Variants in PGAM5 observed in about 807,000 individuals in gnomAD.
PGAM5 encodes PGAM family member 5, mitochondrial serine/threonine protein phosphatase, also known as serine/threonine-protein phosphatase PGAM5, mitochondrial.
Under a neutral mutation model 30.6 loss-of-function variants are expected in PGAM5, and 25 were observed. The observed-to-expected ratio is 0.82, with a 90% CI of 0.60 to 1.14. The LOEUF (loss-of-function observed/expected upper bound fraction) is 1.14. Ranked by LOEUF, PGAM5 falls within the 50% of genes most tolerant of loss-of-function variation. The probability of loss-of-function intolerance (pLI) is 0.00; values close to 1 mark genes in which losing one functional copy is unlikely to be tolerated. For missense variants in PGAM5, 384 were observed against 408.5 expected (o/e 0.94, Z 0.52); for synonymous variants, 201 against 179.1 (o/e 1.12, Z -0.98).
At chr12:132,718,261 GC>G in intron 5 of PGAM5, 141 bp downstream of exon 5, 1 of 1,083,518 alleles carries the variant, frequency 9.2e-7, no homozygotes, top group Non-Finnish European at 1.3e-6. Context: ...TCCACTTCCC[GC>G]GAGTCCTAGT....
In PGAM5 at chr12:132,710,959, T is replaced by C. The variant is rs2043515753; in HGVS notation, c.83T>C (p.Val28Ala). ...GCCGTGCTCTTCTCGGCCGTGGCGG[T>C]AGGGAAGCCGCGCGCAGGCGGGGAC... Reference protein sequence around the residue: ...SAAVLFSAVAVGKPRAGGDAE... With the variant: ...SAAVLFSAVAAGKPRAGGDAE... The change falls in exon 1 of 6, where the codon GTA becomes GCA. Residue 28 changes from valine (V) to alanine (A), a missense_variant. By Grantham distance (64) the Val-to-Ala change is moderately conservative. Transcript: ENST00000498926. 8.5e-7 allele frequency: 1 copy of C among 1,182,058 alleles called. No individual in the cohort carries two copies. Among genetic ancestry groups the C allele is most frequent in the East Asian group, 3.8e-5 (1 of 26,480 alleles). 73.2% of individuals were successfully genotyped at this position (1,182,058 alleles called of 1,614,324 possible). A position where few individuals can be genotyped will look rare whatever the true frequency, so the allele number is the denominator to read the frequency against.
intron 2 of PGAM5, among the ~76,000 whole-genome samples, chr12:132,715,982 C>A (rs1388475781): frequency 6.6e-6 from 1 of 152,182 alleles, no homozygotes; most frequent in Non-Finnish European, 1.5e-5. Context: ...CTGCTTGATG[C>A]CTTGGAAAGC....
At chr12:132,718,226 G>C in intron 5 of PGAM5, 106 bp downstream of exon 5, 1 of 1,458,924 alleles carries the variant, frequency 6.9e-7, no homozygotes, top group Non-Finnish European at 9.2e-7. Context: ...TGCCACCCTA[G>C]TCAGGCCTCA....
intron 5 of PGAM5, 80 bp downstream of exon 5, chr12:132,718,200 CCT>C (rs2043602903): frequency 1.3e-6 from 2 of 1,560,562 alleles, no homozygotes; most frequent in African/African-American, 2.7e-5. Context: ...CGAGCGAGAC[CCT>C]CCTCCACTGC....
In PGAM5 at chr12:132,717,579, CG is replaced by C; in HGVS notation, c.496+19del. ...GCACCTGCCAGGTGAGTGCTGCGCG[CG>C]GGGCCTCCATGCTTGCAGCAGTGGG... On this transcript the variant is annotated intron_variant, in intron 3 of 5. Transcript: ENST00000498926. 1 of 1,609,652 alleles carries C rather than the reference CG, an allele frequency of 6.2e-7. No individual in the cohort carries two copies. Among genetic ancestry groups the C allele is most frequent in the Non-Finnish European group, 8.5e-7 (1 of 1,179,158 alleles).
intron 5 of PGAM5, chr12:132,719,197 T>C: frequency 1.7e-6 from 2 of 1,168,106 alleles, no homozygotes; most frequent in Non-Finnish European, 1.1e-6. Context: ...CATTAGGAAA[T>C]GTGTGTGTGG....
At chr12:132,718,688 T>C (rs1373264693) in intron 5 of PGAM5, 1 of 1,535,166 alleles carries the variant, frequency 6.5e-7, no homozygotes, top group East Asian at 2.3e-5. Flanking sequence ...TTGTTTTCCC[T>C]TTGTAATTGA....
chr12:132,719,212 C>T lies in PGAM5; in HGVS notation c.719+1092C>T, dbSNP rs530531264. The stretch of plus-strand genomic sequence containing the variant: ...CATTAGGAAATGTGTGTGTGGGCTC[C>T]GCAGCTGAGGGGGCCCTCTTGAGTG... On this transcript the variant is annotated intron_variant, in intron 5 of 5. Coordinates refer to ENST00000498926, the MANE Select transcript of PGAM5 (RefSeq NM_001170543.2). 3.7e-5 allele frequency: 42 copies of T among 1,145,618 alleles called. 1 individual carries two copies. In the South Asian group the frequency reaches 5.5e-4, roughly 15 times the overall value. 71.0% of individuals were successfully genotyped at this position (1,145,618 alleles called of 1,614,324 possible). A position where few individuals can be genotyped will look rare whatever the true frequency, so the allele number is the denominator to read the frequency against.
chr12:132,719,230 C>T, intron 5 of PGAM5: 1 of 1,138,244 alleles, frequency 8.8e-7, no homozygotes, highest in Non-Finnish European at 1.1e-6. Flanking sequence ...AGGGGGCCCT[C>T]TTGAGTGTGA....
chr12:132,715,423 T>C (rs2043565761), intron 2 of PGAM5, among the ~76,000 whole-genome samples: 1 of 150,262 alleles, frequency 6.7e-6, no homozygotes, highest in African/African-American at 2.5e-5. Flanking sequence ...GTACAAAAAT[T>C]AGCCAGGTGC....
At chr12:132,716,582 C>T (rs1273611057) in intron 2 of PGAM5, among the ~76,000 whole-genome samples, 1 of 152,136 alleles carries the variant, frequency 6.6e-6, no homozygotes, top group Non-Finnish European at 1.5e-5. Context: ...CAACAGGATC[C>T]CGCCTGTCCC....
rs2043515563 is a variant in PGAM5, at chr12:132,710,947, C to T, written c.71C>T (p.Ser24Leu). ...LAGGSAAVLF[S>L]AVAVGKPRAG... Reference sequence around the variant, plus strand: ...GGGGGCTCGGCCGCCGTGCTCTTCTCGGCCGTGGCGGTAGGGAAGCCGCGC... The same window carrying T: ...GGGGGCTCGGCCGCCGTGCTCTTCTTGGCCGTGGCGGTAGGGAAGCCGCGC... Residue 24 changes from serine to leucine, a missense_variant, in exon 1 of 6, where the codon TCG (serine) becomes TTG (leucine). Transcript: ENST00000498926. The T allele has an allele frequency of 1.7e-6, 2 of 1,177,482 alleles. No homozygotes were observed. Among genetic ancestry groups the T allele is most frequent in the African/African-American group, 1.6e-5 (1 of 61,968 alleles). The allele number at this position is 1,177,482 out of a possible 1,614,324, so 72.9% of individuals were successfully genotyped here. A position where few individuals can be genotyped will look rare whatever the true frequency, so the allele number is the denominator to read the frequency against.
In PGAM5 at chr12:132,715,074, G is replaced by A. The variant is rs758624723; in HGVS notation, c.370+38G>A. ...TTCAGATCCTCTGTGGACCCTCGTG[G>A]TTATGTGGCCAGGTGCATATCTGCT... On this transcript the variant is annotated intron_variant, in intron 2 of 5. Transcript: ENST00000498926. The A allele has an allele frequency of 8.5e-6, 13 of 1,533,038 alleles. No homozygotes were observed. In the Admixed American group the frequency reaches 1.8e-4, roughly 21 times the overall value. 95.0% of individuals were successfully genotyped at this position (1,533,038 alleles called of 1,614,324 possible).
In PGAM5 at chr12:132,719,171, G is replaced by C. The variant is rs1484763803; in HGVS notation, c.719+1051G>C. On this transcript the variant is annotated intron_variant, in intron 5 of 5. Coordinates refer to ENST00000498926, the MANE Select transcript of PGAM5 (RefSeq NM_001170543.2). Reference sequence around the variant, plus strand: ...CTAAATGCAAATTTGAAACAAATTTGCCTCTTCTCTGGATCCATTAGGAAA... The same window carrying C: ...CTAAATGCAAATTTGAAACAAATTTCCCTCTTCTCTGGATCCATTAGGAAA... 9 of 1,228,616 alleles carry C rather than the reference G, an allele frequency of 7.3e-6. No individual in the cohort carries two copies. In the East Asian group the frequency reaches 4.0e-4, roughly 54 times the overall value. 76.1% of individuals were successfully genotyped at this position (1,228,616 alleles called of 1,614,324 possible).
At chr12:132,719,495 G>A (rs745822258) in intron 5 of PGAM5, among the ~76,000 whole-genome samples, 7 of 152,216 alleles carry the variant, frequency 4.6e-5, no homozygotes, top group Non-Finnish European at 8.8e-5. Context: ...GTGAGTACCT[G>A]TTTGCTGTGA....
chr12:132,718,663 TC>T (rs920253340), intron 5 of PGAM5: 13 of 1,319,326 alleles, frequency 9.9e-6, no homozygotes, highest in Non-Finnish European at 1.4e-5. Context: ...ATGCTGGGCG[TC>T]CGCACTGCCC....
chr12:132,713,522 T>C (rs2043542297), intron 1 of PGAM5, among the ~76,000 whole-genome samples: 1 of 152,186 alleles, frequency 6.6e-6, no homozygotes. Flanking sequence ...AGTCTTGGCC[T>C]GGTTTATGAC....
rs2043635644 is a variant in PGAM5, at chr12:132,720,702, C to G, written c.744C>G (p.Gly248=). 6.5e-7 allele frequency: 1 copy of G among 1,536,240 alleles called. No homozygotes were observed. Residue 248 remains glycine (G), a synonymous_variant, in exon 6 of 6, where the codon GGC becomes GGG. Coordinates refer to ENST00000498926, the MANE Select transcript of PGAM5 (RefSeq NM_001170543.2). ...GAGCACTGCAGTTTCCTCCTGAAGGCTGGCTCCGGCTCTCCCTCAATAATG... is the reference window on the plus strand; with the variant it reads ...GAGCACTGCAGTTTCCTCCTGAAGGGTGGCTCCGGCTCTCCCTCAATAATG... ...VCRALQFPPE[G]WLRLSLNNGS...
In PGAM5 at chr12:132,717,448, A is replaced by G; in HGVS notation, c.380A>G (p.Gln127Arg). The G allele has an allele frequency of 6.2e-7, 1 of 1,606,158 alleles. No homozygotes were observed. Residue 127 changes from glutamine (Q) to arginine (R), a missense_variant, in exon 3 of 6, where the codon CAG becomes CGG. By Grantham distance (43) the Gln-to-Arg change is conservative (BLOSUM62 1). Coordinates refer to ENST00000498926, the MANE Select transcript of PGAM5 (RefSeq NM_001170543.2). ...DRTLTPLGREQAELTGLRLAS... is the reference protein window; with the variant it reads ...DRTLTPLGRERAELTGLRLAS... ...GCCTTTCACCTTCCAGGTCGGGAGC[A>G]GGCTGAACTCACTGGGCTCCGCCTG...
Sources: allele counts gnomAD v4.1 joint callset (sites outside exome capture counted in the v4.1 genomes callset), GRCh38; gene constraint gnomAD v4.1.1; transcripts MANE v1.5; gene names NCBI Gene and HGNC (gene_info 2026-07-23, HGNC 2026-07-21).